ZNF667: variants seen among roughly 807,000 people sequenced by gnomAD.
ZNF667 encodes zinc finger protein 667, also known as myocardial ischemic preconditioning upregulated 1 ortholog.
A neutral mutation model predicts 31.8 loss-of-function variants in ZNF667; 13 were observed. The ratio of observed to expected loss-of-function variants is 0.41; its 90% CI spans 0.27 to 0.65. The LOEUF (loss-of-function observed/expected upper bound fraction) is 0.65. Ranked by LOEUF, ZNF667 falls within the 30% of genes least tolerant of loss-of-function variation. The pLI is 0.32. For missense variants in ZNF667, 642 were observed against 725.6 expected (o/e 0.88, Z 1.32); for synonymous variants, 228 against 247.1 (o/e 0.92, Z 0.73).
intron 1 of ZNF667, among the ~76,000 whole-genome samples, chr19:56,476,614 G>A (rs1390873788): frequency 6.6e-6 from 1 of 152,100 alleles, no homozygotes; most frequent in Non-Finnish European, 1.5e-5. Flanking sequence ...TTTTACCAAG[G>A]AGGAAAGTCA....
upstream of ZNF667, chr19:56,477,884 G>C (rs1416348864): frequency 6.6e-6 from 1 of 152,478 alleles, no homozygotes; most frequent in Non-Finnish European, 1.5e-5. Context: ...AGAATCCACC[G>C]GGGTGCAGCG....
intron 3 of ZNF667, among the ~76,000 whole-genome samples, chr19:56,464,595 C>T (rs1439616539): frequency 1.3e-5 from 2 of 152,206 alleles, no homozygotes; most frequent in Admixed American, 1.3e-4. Flanking sequence ...ATCAGCCTCA[C>T]ATTATGTTTC....
intron 6 of ZNF667, chr19:56,449,359 G>A (rs759294633): frequency 1.8e-5 from 6 of 334,618 alleles, no homozygotes; most frequent in Middle Eastern, 7.6e-4. Context: ...GAGCTAATGT[G>A]ACCGTTCAGT....
intron 6 of ZNF667, among the ~76,000 whole-genome samples, chr19:56,446,983 T>G (rs1354588333): frequency 2.6e-5 from 4 of 152,128 alleles, no homozygotes; most frequent in African/African-American, 9.7e-5. Context: ...TGGAAATCCT[T>G]AAACCACACC....
In ZNF667 at chr19:56,441,949, T is replaced by C. The variant is rs1445347874; in HGVS notation, c.1046A>G (p.Gln349Arg). Reference protein sequence around the residue: ...FNRISPLMLHQRIHTSEKPYK... With the variant: ...FNRISPLMLHRRIHTSEKPYK... Reference sequence around the variant, plus strand: ...CGGTTTCTCTGAAGTGTGAATTCTCTGGTGAAGCATCAGGGGTGAAATCCT... The same window carrying C: ...CGGTTTCTCTGAAGTGTGAATTCTCCGGTGAAGCATCAGGGGTGAAATCCT... The change falls in exon 7 of 7, where the codon CAG becomes CGG. Residue 349 changes from glutamine to arginine, a missense_variant. Coordinates refer to ENST00000504904, the MANE Select transcript of ZNF667 (RefSeq NM_001321356.2). The surrounding 1 kb of genome is among the most constrained non-coding windows in gnomAD (Gnocchi z 4.2). The C allele has an allele frequency of 6.2e-7, 1 of 1,614,148 alleles. No homozygotes were observed. The highest frequency in any genetic ancestry group is 1.3e-5 in the African/African-American group (1 of 75,058).
intron 6 of ZNF667, among the ~76,000 whole-genome samples, chr19:56,455,118 T>G (rs1380007100): frequency 1.3e-5 from 2 of 152,024 alleles, no homozygotes; most frequent in African/African-American, 4.8e-5. Context: ...AAATCAAAAC[T>G]ACATGGTATC....
At chr19:56,446,746 G>C (rs1037707784) in intron 6 of ZNF667, among the ~76,000 whole-genome samples, 1 of 152,134 alleles carries the variant, frequency 6.6e-6, no homozygotes, top group African/African-American at 2.4e-5. Context: ...GAAGATAATG[G>C]AAATGTTTAT....
intron 6 of ZNF667, among the ~76,000 whole-genome samples, chr19:56,451,527 T>C (rs1429869861): frequency 1.3e-5 from 2 of 152,186 alleles, no homozygotes; most frequent in African/African-American, 4.8e-5. Flanking sequence ...ACATGGATCA[T>C]TCTCAGGTAT....
At chr19:56,466,428 C>A (rs2043161154) in intron 3 of ZNF667, among the ~76,000 whole-genome samples, 1 of 152,104 alleles carries the variant, frequency 6.6e-6, no homozygotes, top group Admixed American at 6.6e-5. Context: ...TTGAGGTGGG[C>A]ACATGATCAA....
chr19:56,460,640 A>C lies in ZNF667; in HGVS notation c.160+49T>G, dbSNP rs746577646. 7 of 1,571,524 alleles carry C rather than the reference A, an allele frequency of 4.5e-6. No individual in the cohort carries two copies. The African/African-American group carries it at 6.8e-5, about 15-fold the overall frequency. On this transcript the variant is annotated intron_variant, in intron 5 of 6. Transcript: ENST00000504904. ...TTCCTGACTAGACCCAGAGTGATGC[A>C]TGTCCCTCAATAGGCTGGTTCTGGA...
intron 3 of ZNF667, 77 bp from the exon 4 acceptor site, chr19:56,462,506 C>T: frequency 1.1e-6 from 1 of 877,442 alleles, no homozygotes; most frequent in Admixed American, 1.8e-5. Flanking sequence ...CACACACACA[C>T]AGACACACAT....
chr19:56,464,591 C>T (rs1287376450), intron 3 of ZNF667, among the ~76,000 whole-genome samples: 2 of 152,340 alleles, frequency 1.3e-5, no homozygotes, highest in Non-Finnish European at 2.9e-5. Flanking sequence ...AATTATCAGC[C>T]TCACATTATG....
chr19:56,477,441 G>C (rs1483196025), upstream of ZNF667: 1 of 152,070 alleles, frequency 6.6e-6, no homozygotes, highest in Non-Finnish European at 1.5e-5. Flanking sequence ...GCCACGCGGC[G>C]TGCGCTCACC....
chr19:56,460,363 T>G (rs1226678936), intron 5 of ZNF667, among the ~76,000 whole-genome samples: 1 of 152,056 alleles, frequency 6.6e-6, no homozygotes, highest in African/African-American at 2.4e-5. Context: ...ACCAGAGAGA[T>G]AGAAAGTGGA....
chr19:56,449,462 C>A, intron 6 of ZNF667: 1 of 262,060 alleles, frequency 3.8e-6, no homozygotes, highest in Non-Finnish European at 7.8e-6. Flanking sequence ...GGTGGATCAC[C>A]TGAGTTCAGG....
At chr19:56,477,866 C>G (rs1159890208), upstream of ZNF667, 1 of 152,446 alleles carries the variant, frequency 6.6e-6, no homozygotes, top group East Asian at 1.9e-4. Flanking sequence ...AGTCATCCTG[C>G]GACCTCCAGA....
chr19:56,453,429 T>A (rs2042874575), intron 6 of ZNF667, among the ~76,000 whole-genome samples: 1 of 152,100 alleles, frequency 6.6e-6, no homozygotes, highest in Non-Finnish European at 1.5e-5. Flanking sequence ...GAGCTTAATA[T>A]TAATTCAAGA....
intron 6 of ZNF667, among the ~76,000 whole-genome samples, chr19:56,455,186 G>A (rs892703595): frequency 1.3e-5 from 2 of 152,120 alleles, no homozygotes; most frequent in Non-Finnish European, 2.9e-5. Context: ...ATGCTGGTGA[G>A]GATATGGAGA....
chr19:56,440,003 A>T lies in ZNF667; in HGVS notation c.*1159T>A, dbSNP rs1336101487. 1.3e-5 allele frequency: 2 copies of T among 151,874 alleles called. No homozygotes were observed. Among genetic ancestry groups the T allele is most frequent in the African/African-American group, 4.8e-5 (2 of 41,334 alleles). The allele number at this position is 151,874 out of a possible 1,614,324, so 9.4% of individuals were successfully genotyped here. On this transcript the variant is annotated 3_prime_UTR_variant, in exon 7 of 7. Transcript: ENST00000504904. ...GCACTAATCCCATCACGAGGGCTCCACCCTCATGACCTCATCTAATCCTAA... is the reference window on the plus strand; with the variant it reads ...GCACTAATCCCATCACGAGGGCTCCTCCCTCATGACCTCATCTAATCCTAA...
Sources: allele counts gnomAD v4.1 joint callset (sites outside exome capture counted in the v4.1 genomes callset), GRCh38; gene constraint gnomAD v4.1.1; non-coding constraint Gnocchi (gnomAD v3.1); transcripts MANE v1.5; gene names NCBI Gene and HGNC (gene_info 2026-07-23, HGNC 2026-07-21).